TAFA4: variants seen among roughly 807,000 people sequenced by gnomAD.
TAFA4 encodes chemokine-like protein TAFA-4.
Under a neutral mutation model 21.1 loss-of-function variants are expected in TAFA4, and 20 were observed. That is an observed-to-expected ratio of 0.95 (90% confidence interval 0.67 to 1.38). The LOEUF (loss-of-function observed/expected upper bound fraction) is 1.38. Ranked by LOEUF, TAFA4 falls within the 40% of genes most tolerant of loss-of-function variation. The probability of loss-of-function intolerance (pLI) is 0.00; values close to 1 mark genes in which losing one functional copy is unlikely to be tolerated. For missense variants in TAFA4, 211 were observed against 180.9 expected (o/e 1.17, Z -0.95); for synonymous variants, 71 against 67.4 (o/e 1.05, Z -0.26).
chr3:68,748,933 G>C (rs1187342595), intron 4 of TAFA4, among the ~76,000 whole-genome samples: 2 of 152,104 alleles, frequency 1.3e-5, no homozygotes, highest in Non-Finnish European at 2.9e-5. Flanking sequence ...AAACCATTCA[G>C]CATTATCTCT....
chr3:68,907,766 A>T (rs1188235715), intron 1 of TAFA4, among the ~76,000 whole-genome samples: 3 of 152,240 alleles, frequency 2.0e-5, no homozygotes, highest in Non-Finnish European at 4.4e-5. Flanking sequence ...TGAAGTAGCC[A>T]CAACATCGAT....
chr3:68,802,205 T>G (rs887806968), intron 3 of TAFA4, among the ~76,000 whole-genome samples: 3 of 152,190 alleles, frequency 2.0e-5, no homozygotes, highest in African/African-American at 4.8e-5. Flanking sequence ...AGTTTTGCCA[T>G]CTCTAATTGA....
At chr3:68,759,778 TAGGA>T (rs1702727271) in intron 3 of TAFA4, among the ~76,000 whole-genome samples, 1 of 152,114 alleles carries the variant, frequency 6.6e-6, no homozygotes, top group Admixed American at 6.5e-5. Context: ...GGGCTGCTCC[TAGGA>T]GGGAAACTGG....
At chr3:68,926,762 T>C (rs2090111167) in intron 1 of TAFA4, among the ~76,000 whole-genome samples, 1 of 151,818 alleles carries the variant, frequency 6.6e-6, no homozygotes, top group Non-Finnish European at 1.5e-5. Flanking sequence ...AATACAAAGA[T>C]TAGCCAGGCA....
chr3:68,880,840 C>G lies in TAFA4; in HGVS notation c.20G>C (p.Arg7Thr). The change falls in exon 3 of 6, where the codon AGA (arginine) becomes ACA (threonine). Residue 7 changes from arginine (R) to threonine (T), a missense_variant. Arg to Thr is a moderately conservative substitution (Grantham distance 71). Transcript: ENST00000295569. ...CAGCAACACTGACTTAGCACAGACT[C>G]TCATCCTGGAGGAAAAGCAGGGCTG... MRSPRMRVCAKSVLLSH... is the reference protein window; with the variant it reads MRSPRMTVCAKSVLLSH... The G allele has an allele frequency of 6.2e-7, 1 of 1,613,114 alleles. No individual in the cohort carries two copies. The highest frequency in any genetic ancestry group is 8.5e-7 in the Non-Finnish European group (1 of 1,179,760).
intron 3 of TAFA4, among the ~76,000 whole-genome samples, chr3:68,806,278 T>C (rs372348010): frequency 6.6e-6 from 1 of 152,172 alleles, no homozygotes; most frequent in Non-Finnish European, 1.5e-5. Flanking sequence ...TACTAGTAGA[T>C]AGAAGAAGAG....
At chr3:68,925,831 G>C (rs907000043) in intron 1 of TAFA4, among the ~76,000 whole-genome samples, 1 of 152,012 alleles carries the variant, frequency 6.6e-6, no homozygotes, top group Non-Finnish European at 1.5e-5. Context: ...AAGGAATGTC[G>C]GCCTCCTTCC....
chr3:68,753,756 G>A (rs1575595942), intron 3 of TAFA4, among the ~76,000 whole-genome samples: 1 of 152,186 alleles, frequency 6.6e-6, no homozygotes, highest in African/African-American at 2.4e-5. Context: ...CTGGCTTGAA[G>A]ATGGAGGGGC....
chr3:68,828,956 G>A (rs1305874300), intron 3 of TAFA4, among the ~76,000 whole-genome samples: 3 of 152,028 alleles, frequency 2.0e-5, no homozygotes, highest in African/African-American at 7.3e-5. Flanking sequence ...GTCCTGTGCT[G>A]GTTTTCAAAG....
At chr3:68,836,520 T>A (rs1183778385) in intron 3 of TAFA4, among the ~76,000 whole-genome samples, 1 of 152,218 alleles carries the variant, frequency 6.6e-6, no homozygotes, top group Non-Finnish European at 1.5e-5. Flanking sequence ...TACTCTGAAA[T>A]CTTTTTGTAG....
intron 3 of TAFA4, among the ~76,000 whole-genome samples, chr3:68,758,917 G>T (rs1702710072): frequency 6.6e-6 from 1 of 152,182 alleles, no homozygotes; most frequent in East Asian, 1.9e-4. Flanking sequence ...TTAAGGAATT[G>T]TCCCATGCAA....
intron 3 of TAFA4, among the ~76,000 whole-genome samples, chr3:68,822,186 T>C (rs1489618576): frequency 6.6e-6 from 1 of 152,236 alleles, no homozygotes; most frequent in East Asian, 1.9e-4. Flanking sequence ...GGATATAAAC[T>C]GTTATTGAGT....
chr3:68,811,298 C>G (rs906905652), intron 3 of TAFA4, among the ~76,000 whole-genome samples: 2 of 152,176 alleles, frequency 1.3e-5, no homozygotes, highest in African/African-American at 4.8e-5. Context: ...AGCTCCTCAC[C>G]AGCAACGGAA....
intron 3 of TAFA4, among the ~76,000 whole-genome samples, chr3:68,762,820 C>T (rs1366383404): frequency 6.6e-6 from 1 of 152,242 alleles, no homozygotes. Context: ...AGGCAGATCA[C>T]TTGAGGCCAG....
intron 3 of TAFA4, among the ~76,000 whole-genome samples, chr3:68,771,143 G>A (rs1351287985): frequency 6.6e-6 from 1 of 152,140 alleles, no homozygotes; most frequent in Non-Finnish European, 1.5e-5. Flanking sequence ...CTCACTGAGA[G>A]CTACCTCCAC....
intron 3 of TAFA4, among the ~76,000 whole-genome samples, chr3:68,754,152 T>C (rs1407898003): frequency 1.3e-5 from 2 of 152,206 alleles, no homozygotes; most frequent in Non-Finnish European, 2.9e-5. Flanking sequence ...CTGTGTATTT[T>C]CTAAAAACAA....
At chr3:68,787,444 AT>A (rs1475501655) in intron 3 of TAFA4, among the ~76,000 whole-genome samples, 1 of 152,228 alleles carries the variant, frequency 6.6e-6, no homozygotes, top group Non-Finnish European at 1.5e-5. Context: ...AATCATAATT[AT>A]ATCACCAGGC....
chr3:68,876,494 T>A, intron 3 of TAFA4, among the ~76,000 whole-genome samples: 1 of 152,156 alleles, frequency 6.6e-6, no homozygotes, highest in Non-Finnish European at 1.5e-5. Flanking sequence ...TATTCCCCAC[T>A]CAGTTAGTAT....
At chr3:68,777,746 C>A (rs114733450) in intron 3 of TAFA4, among the ~76,000 whole-genome samples, 1 of 152,054 alleles carries the variant, frequency 6.6e-6, no homozygotes, top group African/African-American at 2.4e-5. Flanking sequence ...CGATGACAGA[C>A]GACATAGACA....
Sources: gnomAD v4.1 joint callset for allele counts (sites outside exome capture counted in the v4.1 genomes callset) on GRCh38, gnomAD v4.1.1 for gene constraint, MANE v1.5 for transcripts, NCBI Gene and HGNC (gene_info 2026-07-23, HGNC 2026-07-21) for gene names.